Variants in CSDE1 observed in about 807,000 individuals in gnomAD.
CSDE1 encodes cold shock domain containing E1.
Under a neutral mutation model 89.3 loss-of-function variants are expected in CSDE1, and 17 were observed. The observed-to-expected ratio is 0.19, with a 90% confidence interval of 0.13 to 0.29. The LOEUF (loss-of-function observed/expected upper bound fraction) is 0.29. Ranked by LOEUF, CSDE1 falls within the 10% of genes least tolerant of loss-of-function variation. The pLI, the probability that CSDE1 is intolerant of heterozygous loss-of-function variation, is 1.00. For synonymous variants in CSDE1, 322 were observed against 332.8 expected (o/e 0.97, Z 0.35); for missense variants, 672 against 984.2 (o/e 0.68, Z 4.24).
chr1:114,723,908 T>C lies in CSDE1; in HGVS notation c.1848A>G (p.Gln616=), dbSNP rs1472634443. 11 of 1,613,936 alleles carry C rather than the reference T, an allele frequency of 6.8e-6. No homozygotes were observed. Among genetic ancestry groups the C allele is most frequent in the Non-Finnish European group, 9.3e-6 (11 of 1,179,942 alleles). The change falls in exon 16 of 20, where the codon CAA becomes CAG. Residue 616 remains glutamine, a synonymous_variant. Coordinates refer to ENST00000358528, the MANE Select transcript of CSDE1 (RefSeq NM_001007553.3). ...CCTCCTCCACAATCTCAATCATTCC[T>C]TGGTACTCAGTCTGTGTTGGATCAA... The part of the protein sequence containing the change: ...RSVDPTQTEY[Q]GMIEIVEEGD...
chr1:114,752,312 C>T (rs755107926), intron 1 of CSDE1, among the ~76,000 whole-genome samples: 2 of 152,108 alleles, frequency 1.3e-5, no homozygotes, highest in Middle Eastern at 3.2e-3. Context: ...AGTTATTTTT[C>T]CACCATTCTA....
chr1:114,733,687 T>C (rs1660235432), intron 9 of CSDE1, 45 bp downstream of exon 9: 2 of 1,560,658 alleles, frequency 1.3e-6, no homozygotes, highest in Admixed American at 3.5e-5. Context: ...TATTATTCTA[T>C]TACTACTGAG....
intron 18 of CSDE1, among the ~76,000 whole-genome samples, chr1:114,719,248 G>A (rs1049782406): frequency 3.3e-5 from 5 of 152,312 alleles, no homozygotes; most frequent in African/African-American, 7.2e-5. Flanking sequence ...GGTTGAGTCT[G>A]CAGTGAGTCG....
In CSDE1 at chr1:114,732,631, A is replaced by G; in HGVS notation, c.1023T>C (p.Phe341=). The change falls in exon 10 of 20, where the codon TTT becomes TTC. Residue 341 remains phenylalanine, a synonymous_variant. Coordinates refer to ENST00000358528, the MANE Select transcript of CSDE1 (RefSeq NM_001007553.3). ...ATNIEVLSNT[F]QFTNEAREMG... Reference sequence around the variant, plus strand: ...TTTCTCGGGCTTCATTAGTGAACTGAAATGTATTTGACAGAACTTCTATAT... The same window carrying G: ...TTTCTCGGGCTTCATTAGTGAACTGGAATGTATTTGACAGAACTTCTATAT... 1.2e-6 allele frequency: 2 copies of G among 1,614,180 alleles called. No individual in the cohort carries two copies. The highest frequency in any genetic ancestry group is 1.7e-6 in the Non-Finnish European group (2 of 1,180,022).
intron 2 of CSDE1, among the ~76,000 whole-genome samples, chr1:114,747,730 C>T (rs1191266717): frequency 6.6e-6 from 1 of 151,924 alleles, no homozygotes; most frequent in Non-Finnish European, 1.5e-5. Context: ...TGGTGATGCG[C>T]GCCTGTAATT....
At chr1:114,743,443 G>A (rs900388026) in intron 2 of CSDE1, among the ~76,000 whole-genome samples, 4 of 152,132 alleles carry the variant, frequency 2.6e-5, no homozygotes, top group Admixed American at 2.0e-4. Context: ...TCCGGCCCCT[G>A]CACTGCGCCC....
chr1:114,740,321 A>C (rs1660651416), intron 2 of CSDE1, among the ~76,000 whole-genome samples: 3 of 152,220 alleles, frequency 2.0e-5, no homozygotes, highest in Admixed American at 2.0e-4. Context: ...CCAATACCTT[A>C]ATACTGTTTA....
intron 2 of CSDE1, among the ~76,000 whole-genome samples, chr1:114,741,243 A>T (rs574495464): frequency 6.6e-6 from 1 of 152,328 alleles, no homozygotes; most frequent in Non-Finnish European, 1.5e-5. Context: ...GGCTTCTCAA[A>T]TGAGAAGTTA....
At chr1:114,726,822 C>CT (rs1221047116) in intron 13 of CSDE1, among the ~76,000 whole-genome samples, 161 bp downstream of exon 13, 1 of 152,228 alleles carries the variant, frequency 6.6e-6, no homozygotes, top group Non-Finnish European at 1.5e-5. Flanking sequence ...TTGACAGACA[C>CT]TTTTAATAAG....
intron 1 of CSDE1, among the ~76,000 whole-genome samples, chr1:114,754,736 A>C (rs898600814): frequency 6.6e-6 from 1 of 152,222 alleles, no homozygotes; most frequent in African/African-American, 2.4e-5. Context: ...TCATCTGTTG[A>C]GTAAAAATAA....
At chr1:114,732,988 C>A (rs367636042) in intron 9 of CSDE1, among the ~76,000 whole-genome samples, 172 bp from the exon 10 acceptor site, 1 of 152,168 alleles carries the variant, frequency 6.6e-6, no homozygotes, top group Non-Finnish European at 1.5e-5. Context: ...TATGGTCACA[C>A]GAGTCAACCA....
chr1:114,730,941 C>T (rs1660064278), intron 10 of CSDE1, among the ~76,000 whole-genome samples: 1 of 152,130 alleles, frequency 6.6e-6, no homozygotes, highest in South Asian at 2.1e-4. Context: ...CATAAAAGCC[C>T]AAGTCTAATG....
intron 2 of CSDE1, among the ~76,000 whole-genome samples, chr1:114,747,714 C>G (rs753350727): frequency 2.3e-4 from 35 of 151,974 alleles, no homozygotes; most frequent in Non-Finnish European, 2.5e-4. Flanking sequence ...AAAAATAAGC[C>G]AGGCATGGTG....
chr1:114,743,231 AC>A (rs1399659427), intron 2 of CSDE1, among the ~76,000 whole-genome samples: 1 of 152,068 alleles, frequency 6.6e-6, no homozygotes, highest in East Asian at 1.9e-4. Context: ...TCTCGCTGTC[AC>A]CCAGCCTGGA....
At chr1:114,738,960 G>A (rs914681487) in intron 3 of CSDE1, among the ~76,000 whole-genome samples, 14 of 151,342 alleles carry the variant, frequency 9.3e-5, no homozygotes, top group Non-Finnish European at 1.9e-4. Flanking sequence ...ATACAGGCAT[G>A]AGCCACCATG....
chr1:114,747,969 T>A (rs1661107605), intron 2 of CSDE1, among the ~76,000 whole-genome samples: 1 of 152,186 alleles, frequency 6.6e-6, no homozygotes, highest in Non-Finnish European at 1.5e-5. Context: ...ACAATTAGTC[T>A]AAAATTATTT....
At chr1:114,729,048 T>TA (rs1185037129) in intron 12 of CSDE1, among the ~76,000 whole-genome samples, 3 of 152,142 alleles carry the variant, frequency 2.0e-5, no homozygotes, top group Non-Finnish European at 4.4e-5. Context: ...CCAAAGCACA[T>TA]ACCTGATGTC....
intron 1 of CSDE1, chr1:114,756,803 G>C (rs1211465296): frequency 6.6e-6 from 1 of 152,204 alleles, no homozygotes; most frequent in Non-Finnish European, 1.5e-5. Context: ...ATTCTTTGCA[G>C]ATTCAAGCCT....
chr1:114,731,614 T>C (rs1660105289), intron 10 of CSDE1, among the ~76,000 whole-genome samples: 1 of 152,172 alleles, frequency 6.6e-6, no homozygotes, highest in Admixed American at 6.5e-5. Context: ...AATGAGTTCA[T>C]AAAACATGTT....
Sources: gnomAD v4.1 joint callset for allele counts (sites outside exome capture counted in the v4.1 genomes callset) on GRCh38, gnomAD v4.1.1 for gene constraint, MANE v1.5 for transcripts, NCBI Gene and HGNC (gene_info 2026-07-23, HGNC 2026-07-21) for gene names.